AGAP1: variants seen among roughly 807,000 people sequenced by gnomAD.
AGAP1 encodes the protein arf-GAP with GTPase, ANK repeat and PH domain-containing protein 1.
A neutral mutation model predicts 105.3 loss-of-function variants in AGAP1; 29 were observed. The observed-to-expected ratio is 0.28, with a 90% CI of 0.21 to 0.38. The LOEUF (loss-of-function observed/expected upper bound fraction) is 0.38. AGAP1 is among the 10% of genes least tolerant of loss of function. The pLI is 1.00. For synonymous variants in AGAP1, 509 were observed against 485.9 expected, an observed-to-expected ratio of 1.05 and a Z score of -0.63; for missense variants, 998 against 1,165.1, an observed-to-expected ratio of 0.86 and a Z score of 2.09.
intron 1 of AGAP1, among the ~76,000 whole-genome samples, chr2:235,627,192 G>GTTTTTTTTTTTTT (rs36086999): frequency 2.0e-4 from 19 of 95,590 alleles, no homozygotes; most frequent in African/African-American, 7.6e-4. Context: ...CTGTTTTGAG[G>GTTTTTTTTTTTTT]TTTTTTTTTT....
In AGAP1 at chr2:235,692,728, C is replaced by T. The variant is rs954520127; in HGVS notation, c.164-16451C>T. On this transcript the variant is annotated intron_variant, in intron 1 of 17. Coordinates refer to ENST00000304032, the MANE Select transcript of AGAP1 (RefSeq NM_001037131.3). The surrounding 1 kb of genome is among the most constrained non-coding windows in gnomAD (Gnocchi z 5.8). ...AGCCTCCCTGCTTATCCTTCCCTGC[C>T]GCCTCGTGTGTCCTGCATGGCATTT... Among the ~76,000 whole-genome samples the T allele has an allele frequency of 2.6e-5, 4 of 152,220 alleles. No individual in the cohort carries two copies. The highest frequency in any genetic ancestry group is 2.9e-5 in the Non-Finnish European group (2 of 68,048).
intron 1 of AGAP1, among the ~76,000 whole-genome samples, chr2:235,528,348 C>T (rs1269905441): frequency 2.7e-5 from 4 of 148,720 alleles, no homozygotes; most frequent in Admixed American, 2.0e-4. Context: ...GCACTCAGGC[C>T]CCCTCCCCCT....
At chr2:235,674,269 C>G (rs1384904637) in intron 1 of AGAP1, among the ~76,000 whole-genome samples, 1 of 152,184 alleles carries the variant, frequency 6.6e-6, no homozygotes, top group Non-Finnish European at 1.5e-5. Context: ...TGTGTCAGAT[C>G]AAGGGCAGTT....
rs570034916 is a variant in AGAP1 at position 236,054,793 on chromosome 2, G to A, written c.2114+5512G>A. ...CCAGCTCCTGCCTTTGGAAGCGGAG[G>A]TTATCTTACCTAGTTAATTTGCCAC... On this transcript the variant is annotated intron_variant, in intron 16 of 17. Coordinates refer to ENST00000304032, the MANE Select transcript of AGAP1 (RefSeq NM_001037131.3). Among the ~76,000 whole-genome samples, 6 of 152,216 alleles carry A rather than the reference G, an allele frequency of 3.9e-5. No homozygotes were observed. The South Asian group carries it at 8.3e-4, about 21-fold the overall frequency.
At chr2:235,907,874 T>A (rs2051383714) in intron 10 of AGAP1, among the ~76,000 whole-genome samples, 1 of 152,220 alleles carries the variant, frequency 6.6e-6, no homozygotes, top group Admixed American at 6.5e-5. Context: ...GTATATTCTT[T>A]CTTAACGTGT....
chr2:235,968,661 T>A, intron 13 of AGAP1, 38 bp downstream of exon 13: 1 of 1,574,120 alleles, frequency 6.4e-7, no homozygotes, highest in South Asian at 1.2e-5. Context: ...GAGTCTCCAC[T>A]GCGGAAAATT....
chr2:235,785,321 C>A (rs1285185974), intron 6 of AGAP1, among the ~76,000 whole-genome samples: 1 of 152,190 alleles, frequency 6.6e-6, no homozygotes, highest in Non-Finnish European at 1.5e-5. Context: ...GTGTTCATAT[C>A]TAAAAATAGG....
intron 1 of AGAP1, among the ~76,000 whole-genome samples, chr2:235,627,689 G>C (rs1001698211): frequency 6.6e-6 from 1 of 152,122 alleles, no homozygotes; most frequent in Non-Finnish European, 1.5e-5. Context: ...GATAGTAATA[G>C]TAAAATGCCT....
intron 1 of AGAP1, among the ~76,000 whole-genome samples, chr2:235,514,109 C>T (rs1375190455): frequency 3.9e-5 from 6 of 152,190 alleles, no homozygotes; most frequent in Non-Finnish European, 8.8e-5. Flanking sequence ...TGAGCACAGG[C>T]GATTTCCCCG....
rs2056537320 is a variant in AGAP1 at position 236,012,220 on chromosome 2, G to C, written c.1646-24341G>C. On this transcript the variant is annotated intron_variant, in intron 13 of 17. Transcript: ENST00000304032. The surrounding 1 kb of genome is among the most constrained non-coding windows in gnomAD (Gnocchi z 4.9). ...CATCCTGTGGTAATGGGAGAGCAGA[G>C]TGTGAAAAATGGAAGGCATAAAGCG... is the stretch of plus-strand genomic sequence containing the variant. Among the ~76,000 whole-genome samples, 1 of 152,134 alleles carries C rather than the reference G, an allele frequency of 6.6e-6. No individual in the cohort carries two copies. The highest frequency in any genetic ancestry group is 2.1e-4 in the South Asian group (1 of 4,818).
At chr2:236,077,405 G>A (rs2058669460) in intron 16 of AGAP1, among the ~76,000 whole-genome samples, 2 of 148,630 alleles carry the variant, frequency 1.3e-5, no homozygotes, top group South Asian at 2.2e-4. Context: ...TGCAACCTCC[G>A]CCTCCCATGT....
rs1951549032 is a variant in AGAP1, at chr2:235,724,422, G to A, written c.310+6778G>A. 6.6e-6 allele frequency among the ~76,000 whole-genome samples: 1 copy of A among 152,212 alleles called. No homozygotes were observed. Among genetic ancestry groups the A allele is most frequent in the African/African-American group, 2.4e-5 (1 of 41,462 alleles). On this transcript the variant is annotated intron_variant, in intron 3 of 17. Coordinates refer to ENST00000304032, the MANE Select transcript of AGAP1 (RefSeq NM_001037131.3). This position sits in a 1 kb window ranked among gnomAD's most constrained non-coding sequence, Gnocchi z 4.9. ...CAGAGACGGAACACACTGGTCACTG[G>A]GAGATTAGCCTCCCTCATTCATTTT... is the stretch of plus-strand genomic sequence containing the variant.
In AGAP1 at chr2:235,564,359, G is replaced by A. The variant is rs781469852; in HGVS notation, c.163+69510G>A. On this transcript the variant is annotated intron_variant, in intron 1 of 17. Coordinates refer to ENST00000304032, the MANE Select transcript of AGAP1 (RefSeq NM_001037131.3). ...GCTGCAGAAATTGATTCCTTCTGCC[G>A]TACAGTAGGCCAGGGAGGCCTCCAG... Among the ~76,000 whole-genome samples, 13 of 152,272 alleles carry A rather than the reference G, an allele frequency of 8.5e-5. No individual in the cohort carries two copies. The East Asian group carries it at 9.7e-4, about 11-fold the overall frequency.
intron 13 of AGAP1, among the ~76,000 whole-genome samples, chr2:235,995,402 T>C (rs895597951): frequency 1.3e-5 from 2 of 151,906 alleles, no homozygotes; most frequent in Non-Finnish European, 2.9e-5. Flanking sequence ...TAATCCTAGC[T>C]CCTCGGGAGG....
At chr2:235,526,697 A>G (rs978631442) in intron 1 of AGAP1, among the ~76,000 whole-genome samples, 26 of 152,206 alleles carry the variant, frequency 1.7e-4, no homozygotes, top group Admixed American at 1.1e-3. Flanking sequence ...TCAAAGGGAG[A>G]TACTGATGAG....
Position 235,850,932 on chromosome 2 carries a change from G to A in AGAP1, c.1051-32413G>A, listed in dbSNP as rs568784839. On this transcript the variant is annotated intron_variant, in intron 9 of 17. Transcript: ENST00000304032. ...GCAGGGGCTGACTAACCTGCCCAAG[G>A]GGTTTAGCAAGGGAATGGCTGTTCC... 1.2e-4 allele frequency among the ~76,000 whole-genome samples: 19 copies of A among 152,310 alleles called. No individual in the cohort carries two copies. In the South Asian group the frequency reaches 3.9e-3, roughly 32 times the overall value.
chr2:235,684,035 CT>C (rs139577153), intron 1 of AGAP1, among the ~76,000 whole-genome samples: 1 of 151,774 alleles, frequency 6.6e-6, no homozygotes, highest in South Asian at 2.1e-4. Context: ...TGAACTCATC[CT>C]TTTTTTGTTT....
At position 235,765,509 on chromosome 2, in the gene AGAP1, G is replaced by A. The variant is rs1369625292; in HGVS notation, c.673+15021G>A. Among the ~76,000 whole-genome samples the A allele has an allele frequency of 3.9e-5, 6 of 152,264 alleles. No individual in the cohort carries two copies. In the East Asian group the frequency reaches 9.7e-4, roughly 25 times the overall value. The stretch of plus-strand genomic sequence containing the variant: ...GAGAAGCTGAACACTGTTCGTTTGG[G>A]GGCTCATCGGCTCACTGCCGCGTGG... On this transcript the variant is annotated intron_variant, in intron 6 of 17. Coordinates refer to ENST00000304032, the MANE Select transcript of AGAP1 (RefSeq NM_001037131.3).
At chr2:235,679,313 A>G (rs1410348254) in intron 1 of AGAP1, among the ~76,000 whole-genome samples, 1 of 152,220 alleles carries the variant, frequency 6.6e-6, no homozygotes, top group African/African-American at 2.4e-5. Flanking sequence ...AAAAGACCTA[A>G]AAATAGAAAT....
Sources: allele counts gnomAD v4.1 joint callset (sites outside exome capture counted in the v4.1 genomes callset), GRCh38; gene constraint gnomAD v4.1.1; non-coding constraint Gnocchi (gnomAD v3.1); transcripts MANE v1.5; gene names NCBI Gene and HGNC (gene_info 2026-07-23, HGNC 2026-07-21).